The following LRRTM4 variants were observed in gnomAD, a reference collection of about 807,000 sequenced individuals.
LRRTM4 encodes leucine rich repeat transmembrane neuronal 4, also known as leucine-rich repeat transmembrane neuronal protein 4.
A neutral mutation model predicts 47.6 loss-of-function variants in LRRTM4; 25 were observed. The ratio of observed to expected loss-of-function variants is 0.53; its 90% CI spans 0.38 to 0.73. The LOEUF (loss-of-function observed/expected upper bound fraction) is 0.73. LRRTM4 is among the 30% of genes least tolerant of loss of function. The pLI, the probability that LRRTM4 is intolerant of heterozygous loss-of-function variation, is 0.00. For synonymous variants in LRRTM4, 311 were observed against 269.5 expected, an observed-to-expected ratio of 1.15 and a Z score of -1.51; for missense variants, 638 against 713.4, an observed-to-expected ratio of 0.89 and a Z score of 1.20.
intron 3 of LRRTM4, among the ~76,000 whole-genome samples, chr2:77,069,710 C>A (rs1573527097): frequency 6.7e-6 from 1 of 148,544 alleles, no homozygotes; most frequent in East Asian, 2.0e-4. Context: ...CACGAGAGCA[C>A]AGGGCCTTCT....
chr2:77,370,716 T>C (rs1478871462), intron 3 of LRRTM4, among the ~76,000 whole-genome samples: 1 of 151,730 alleles, frequency 6.6e-6, no homozygotes, highest in Non-Finnish European at 1.5e-5. Flanking sequence ...GAACATTGGC[T>C]TTATTTCTAT....
In LRRTM4 at chr2:76,997,947, G is replaced by A. The variant is rs139284782; in HGVS notation, c.1552-249031C>T. Among the ~76,000 whole-genome samples, 544 of 151,888 alleles carry A rather than the reference G, an allele frequency of 3.6e-3. 5 individuals are homozygous for A. Among genetic ancestry groups the A allele is most frequent in the African/African-American group, 0.012 (481 of 41,468 alleles). On this transcript the variant is annotated intron_variant, in intron 3 of 3. Coordinates refer to ENST00000409884, the MANE Select transcript of LRRTM4 (RefSeq NM_001134745.3). ...TGCACACTCCTTATAAGAATCTAAC[G>A]CCTGATGATGTTACTGTCTCCCATC...
chr2:76,790,954 C>T (rs1674939777), intron 3 of LRRTM4, among the ~76,000 whole-genome samples: 1 of 152,050 alleles, frequency 6.6e-6, no homozygotes. Flanking sequence ...TTCCATATTT[C>T]ACTTTAAACA....
chr2:77,031,136 TGTTA>T (rs1353092067), intron 3 of LRRTM4, among the ~76,000 whole-genome samples: 2 of 152,116 alleles, frequency 1.3e-5, no homozygotes, highest in African/African-American at 4.8e-5. Context: ...ATAATTTTTC[TGTTA>T]TTTATATAGC....
chr2:77,399,831 T>C (rs928363409), intron 3 of LRRTM4, among the ~76,000 whole-genome samples: 3 of 151,878 alleles, frequency 2.0e-5, no homozygotes, highest in Non-Finnish European at 2.9e-5. Flanking sequence ...TTGGAAAAGA[T>C]GTGCATTGAA....
intron 3 of LRRTM4, among the ~76,000 whole-genome samples, chr2:76,832,300 C>T (rs547547703): frequency 2.0e-5 from 3 of 151,996 alleles, no homozygotes; most frequent in East Asian, 1.9e-4. Flanking sequence ...AAAGCAGGTG[C>T]CTTTCACATG....
chr2:76,756,747 T>A (rs1673043610), intron 3 of LRRTM4, among the ~76,000 whole-genome samples: 1 of 151,732 alleles, frequency 6.6e-6, no homozygotes, highest in Non-Finnish European at 1.5e-5. Context: ...AAAATCTCCC[T>A]CCCTAAAGAG....
In LRRTM4 at chr2:77,026,666, A is replaced by G. The variant is rs180960373; in HGVS notation, c.1552-277750T>C. ...CTGAAAAGCTGTTTATTGTCATAGA[A>G]AAAGTAAAATTCTGAATGAGTATTA... On this transcript the variant is annotated intron_variant, in intron 3 of 3. Coordinates refer to ENST00000409884, the MANE Select transcript of LRRTM4 (RefSeq NM_001134745.3). Among the ~76,000 whole-genome samples the G allele has an allele frequency of 3.0e-3, 459 of 152,066 alleles. 2 individuals carry two copies. Among genetic ancestry groups the G allele is most frequent in the Non-Finnish European group, 5.2e-3 (355 of 67,932 alleles).
At chr2:76,961,790 T>C (rs1573373233) in intron 3 of LRRTM4, among the ~76,000 whole-genome samples, 1 of 151,462 alleles carries the variant, frequency 6.6e-6, no homozygotes, top group African/African-American at 2.4e-5. Context: ...ATACTATACA[T>C]ATGTATCTTA....
At chr2:77,048,142 G>A (rs1679296097) in intron 3 of LRRTM4, among the ~76,000 whole-genome samples, 1 of 151,900 alleles carries the variant, frequency 6.6e-6, no homozygotes. Flanking sequence ...TTATGTTAGG[G>A]AAAAAATGAA....
intron 3 of LRRTM4, among the ~76,000 whole-genome samples, chr2:77,166,252 G>C (rs1485646409): frequency 6.6e-6 from 1 of 152,106 alleles, no homozygotes; most frequent in Non-Finnish European, 1.5e-5. Context: ...ACTTGCAAGG[G>C]ATGTGAAGGA....
intron 3 of LRRTM4, among the ~76,000 whole-genome samples, chr2:77,313,753 T>A (rs1427700071): frequency 6.6e-6 from 1 of 152,154 alleles, no homozygotes; most frequent in Non-Finnish European, 1.5e-5. Flanking sequence ...GAAGCCTAAC[T>A]CTGAAAATAC....
chr2:76,862,669 G>A (rs1350082850), intron 3 of LRRTM4, among the ~76,000 whole-genome samples: 1 of 152,186 alleles, frequency 6.6e-6, no homozygotes, highest in Non-Finnish European at 1.5e-5. Flanking sequence ...ACAGTGATAT[G>A]CATAAAATAA....
chr2:77,367,126 G>A (rs866556807), intron 3 of LRRTM4, among the ~76,000 whole-genome samples: 6 of 151,034 alleles, frequency 4.0e-5, no homozygotes, highest in South Asian at 2.1e-4. Context: ...TTGATTTCTC[G>A]GCTTGGAATG....
At chr2:77,207,876 T>C (rs1008643306) in intron 3 of LRRTM4, among the ~76,000 whole-genome samples, 44 of 132,052 alleles carry the variant, frequency 3.3e-4, no homozygotes, top group Non-Finnish European at 5.8e-4. Context: ...CTTTTTTTTT[T>C]TTTTTTTTTT....
intron 3 of LRRTM4, among the ~76,000 whole-genome samples, chr2:77,289,788 G>A (rs540645096): frequency 2.0e-5 from 3 of 152,056 alleles, no homozygotes; most frequent in Non-Finnish European, 2.9e-5. Flanking sequence ...AACTTCTGAC[G>A]TGAAATATTT....
intron 3 of LRRTM4, among the ~76,000 whole-genome samples, chr2:76,807,479 TATATATAC>T (rs1670556495): frequency 3.1e-5 from 4 of 127,316 alleles, no homozygotes; most frequent in South Asian, 4.7e-4. Context: ...TACATATATA[TATATATAC>T]ATATATATAT....
intron 3 of LRRTM4, among the ~76,000 whole-genome samples, chr2:76,976,380 G>A (rs535466769): frequency 4.2e-4 from 64 of 151,324 alleles, no homozygotes; most frequent in African/African-American, 1.4e-3. Context: ...ATATATAAAC[G>A]ATGAAAGCTT....
chr2:77,287,778 T>G (rs1402312216), intron 3 of LRRTM4, among the ~76,000 whole-genome samples: 1 of 152,144 alleles, frequency 6.6e-6, no homozygotes, highest in Non-Finnish European at 1.5e-5. Context: ...TTAGCTTCTG[T>G]GGCTAATCTC....
Sources: gnomAD v4.1 joint callset for allele counts (sites outside exome capture counted in the v4.1 genomes callset) on GRCh38, gnomAD v4.1.1 for gene constraint, MANE v1.5 for transcripts, NCBI Gene and HGNC (gene_info 2026-07-23, HGNC 2026-07-21) for gene names.